NT5DC4: variants seen among roughly 807,000 people sequenced by gnomAD.
NT5DC4 encodes the protein 5'-nucleotidase domain-containing protein 4.
A neutral mutation model predicts 26.6 loss-of-function variants in NT5DC4; 44 were observed. The observed-to-expected ratio is 1.65, with a 90% CI of 1.30 to 2.13. The LOEUF is 2.13. Ranked by LOEUF, NT5DC4 falls within the 30% of genes most tolerant of loss-of-function variation. The probability of loss-of-function intolerance (pLI) is 0.00; values close to 1 mark genes in which losing one functional copy is unlikely to be tolerated. For synonymous variants in NT5DC4, 157 were observed against 86.7 expected, an observed-to-expected ratio of 1.81 and a Z score of -4.51; for missense variants, 399 against 228.1, an observed-to-expected ratio of 1.75 and a Z score of -4.83.
rs868836532 is a variant in NT5DC4 at position 112,729,679 on chromosome 2, C to T, written c.1319C>T (p.Ser440Phe). The stretch of plus-strand genomic sequence containing the variant: ...GAACAGGCCAATCTAGACCCTGCCT[C>T]CTGCCTCCTCTCCTGCAACCAGAGG... ...EQEQANLDPA[S>F]CLLSCNQRFI... Residue 440 changes from serine (S) to phenylalanine (F), a missense_variant, in exon 16 of 17, where the codon TCC (serine) becomes TTC (phenylalanine). By Grantham distance (155) the Ser-to-Phe change is radical. Transcript: ENST00000688554. 3.6e-5 allele frequency: 26 copies of T among 717,812 alleles called. No homozygotes were observed. Among genetic ancestry groups the T allele is most frequent in the Middle Eastern group, 4.5e-4 (2 of 4,398 alleles). The allele number at this position is 717,812 out of a possible 1,614,324, so 44.5% of individuals were successfully genotyped here. A position where few individuals can be genotyped will look rare whatever the true frequency, so the allele number is the denominator to read the frequency against.
At chr2:112,735,546 C>T (rs879330320) in intron 16 of NT5DC4, among the ~76,000 whole-genome samples, 5 of 152,042 alleles carry the variant, frequency 3.3e-5, no homozygotes, top group Non-Finnish European at 5.9e-5. Context: ...AAGCCATCCC[C>T]GAACAACATT....
intron 16 of NT5DC4, chr2:112,738,679 AG>A: frequency 1.6e-6 from 1 of 624,654 alleles, no homozygotes; most frequent in South Asian, 2.0e-5. Context: ...AAAATTTGAG[AG>A]TAAGCCCAGT....
At chr2:112,727,999 C>T (rs978626430) in intron 15 of NT5DC4, among the ~76,000 whole-genome samples, 2 of 152,260 alleles carry the variant, frequency 1.3e-5, no homozygotes, top group Non-Finnish European at 2.9e-5. Flanking sequence ...GGAATCTCCA[C>T]GGCTGTTTGT....
intron 16 of NT5DC4, among the ~76,000 whole-genome samples, chr2:112,732,130 C>G (rs913556398): frequency 6.6e-6 from 1 of 152,070 alleles, no homozygotes; most frequent in South Asian, 2.1e-4. Context: ...AGGCTGGTCT[C>G]AAATTCCTGA....
chr2:112,741,433 G>A (rs984423710), downstream of NT5DC4, among the ~76,000 whole-genome samples: 1 of 152,164 alleles, frequency 6.6e-6, no homozygotes, highest in Non-Finnish European at 1.5e-5. Flanking sequence ...TGACCACATG[G>A]TTACTGCCTT....
chr2:112,736,225 C>T (rs1309339240), intron 16 of NT5DC4, among the ~76,000 whole-genome samples: 11 of 152,148 alleles, frequency 7.2e-5, no homozygotes, highest in African/African-American at 2.7e-4. Context: ...TCACTTCAGA[C>T]TCTCTAAGCC....
In NT5DC4 at chr2:112,725,173, G is replaced by A. The variant is rs992327062; in HGVS notation, c.916-1G>A. The stretch of plus-strand genomic sequence containing the variant: ...TCCAGGGCACCCCTCTGCCCCTCCA[G>A]GACTCAGGAAAGCTCCACGTGGGCA... On this transcript the variant is annotated splice_acceptor_variant, in intron 11 of 16. Transcript: ENST00000688554. LOFTEE classifies it high-confidence loss of function. 4 of 715,696 alleles carry A rather than the reference G, an allele frequency of 5.6e-6. No individual in the cohort carries two copies. The highest frequency in any genetic ancestry group is 1.7e-5 in the African/African-American group (1 of 57,330). 44.3% of individuals were successfully genotyped at this position (715,696 alleles called of 1,614,324 possible).
Position 112,723,511 on chromosome 2 carries a change from G to A in NT5DC4, c.672+43G>A, listed in dbSNP as rs1376666932. The A allele has an allele frequency of 5.6e-6, 4 of 715,268 alleles. No individual in the cohort carries two copies. In the South Asian group the frequency reaches 5.9e-5, roughly 11 times the overall value. The allele number at this position is 715,268 out of a possible 1,614,324, so 44.3% of individuals were successfully genotyped here. A position where few individuals can be genotyped will look rare whatever the true frequency, so the allele number is the denominator to read the frequency against. On this transcript the variant is annotated intron_variant, in intron 8 of 16. Coordinates refer to ENST00000688554, the MANE Select transcript of NT5DC4 (RefSeq NM_001393655.1). ...CAGGGCCATGGCCATCACCCCCAAA[G>A]CAGCAGGGCTGCCCCCGCAACCCTT...
Position 112,723,675 on chromosome 2 carries a change from C to A in NT5DC4, c.673-44C>A, listed in dbSNP as rs754789357. 2.3e-5 allele frequency: 16 copies of A among 710,660 alleles called. 1 individual carries two copies. In the South Asian group the frequency reaches 2.3e-4, roughly 10 times the overall value. 44.0% of individuals were successfully genotyped at this position (710,660 alleles called of 1,614,324 possible). A position where few individuals can be genotyped will look rare whatever the true frequency, so the allele number is the denominator to read the frequency against. ...ACCTGAGGAGAGGATCCCAGGGCAG[C>A]TCTGGGAGTCCCACCCCTGCAAGTC... On this transcript the variant is annotated intron_variant, in intron 8 of 16. Transcript: ENST00000688554.
In NT5DC4 at chr2:112,722,705, TGC is replaced by T. The variant is rs775474846; in HGVS notation, c.470-8_470-7del. On this transcript the variant is annotated splice_polypyrimidine_tract_variant and splice_region_variant and intron_variant, in intron 5 of 16. Coordinates refer to ENST00000688554, the MANE Select transcript of NT5DC4 (RefSeq NM_001393655.1). ...TGGGCTGACAACTGACCATCCTGTC[TGC>T]CCCCAGAAACCTACCTCTATGCCTG... 4 of 717,686 alleles carry T rather than the reference TGC, an allele frequency of 5.6e-6. No homozygotes were observed. The highest frequency in any genetic ancestry group is 1.0e-5 in the Non-Finnish European group (4 of 385,116). The allele number at this position is 717,686 out of a possible 1,614,324, so 44.5% of individuals were successfully genotyped here.
At chr2:112,740,068 GT>G (rs1482490408), downstream of NT5DC4, among the ~76,000 whole-genome samples, 1 of 152,186 alleles carries the variant, frequency 6.6e-6, no homozygotes, top group Non-Finnish European at 1.5e-5. Context: ...GTAATTAGTG[GT>G]TTTGTGAATT....
intron 15 of NT5DC4, among the ~76,000 whole-genome samples, chr2:112,729,087 G>A (rs1033447855): frequency 6.6e-5 from 10 of 152,174 alleles, no homozygotes; most frequent in African/African-American, 2.2e-4. Context: ...GTGACAAGGC[G>A]AAACACTTAA....
intron 16 of NT5DC4, among the ~76,000 whole-genome samples, chr2:112,736,153 C>T (rs1341367867): frequency 6.6e-6 from 1 of 152,020 alleles, no homozygotes; most frequent in Non-Finnish European, 1.5e-5. Flanking sequence ...ATCATGAGAA[C>T]CTGGTCGACG....
downstream of NT5DC4, among the ~76,000 whole-genome samples, chr2:112,741,943 T>C (rs1680001322): frequency 1.5e-5 from 2 of 131,532 alleles, no homozygotes; most frequent in South Asian, 2.3e-4. Context: ...CTTTTCTGTT[T>C]TTTTTTTTTT....
At position 112,722,078 on chromosome 2, in the gene NT5DC4, A is replaced by T; in HGVS notation, c.241A>T (p.Thr81Ser). Residue 81 changes from threonine (T) to serine (S), a missense_variant, in exon 3 of 17, where the codon ACC becomes TCC. By Grantham distance (58) the Thr-to-Ser change is moderately conservative. Transcript: ENST00000688554. ...IGYPHEILRY[T>S]YDPTFPTRRL... ...GTACCCGCATGAGATCCTGCGCTAC[A>T]CCTACGACCCCACCTTCCCCACCAG... 2 of 717,014 alleles carry T rather than the reference A, an allele frequency of 2.8e-6. No individual in the cohort carries two copies. 44.4% of individuals were successfully genotyped at this position (717,014 alleles called of 1,614,324 possible).
intron 16 of NT5DC4, chr2:112,738,431 T>A (rs561144935): frequency 5.4e-6 from 1 of 184,350 alleles, no homozygotes; most frequent in Non-Finnish European, 1.1e-5. Flanking sequence ...AAAGTTCAGA[T>A]CTTCCACGAT....
chr2:112,722,897 A>G (rs1574234003), intron 6 of NT5DC4, 126 bp downstream of exon 6: 7 of 164,334 alleles, frequency 4.3e-5, no homozygotes, highest in Admixed American at 2.4e-4. Context: ...CTCAGTGGGA[A>G]GGCCTCTATT....
rs972540179 is a variant in NT5DC4 at position 112,726,506 on chromosome 2, T to C, written c.1206-172T>C. ...GACCTCTAGGCCCTTCCTCTGAACC[T>C]ATCCAGCACTCAGGGACCTGCCCTC... On this transcript the variant is annotated intron_variant, in intron 14 of 16. Transcript: ENST00000688554. Among the ~76,000 whole-genome samples the C allele has an allele frequency of 8.5e-5, 13 of 152,126 alleles. 1 individual carries two copies. In the South Asian group the frequency reaches 2.7e-3, roughly 32 times the overall value.
downstream of NT5DC4, chr2:112,742,459 G>A (rs888597828): frequency 1.4e-6 from 1 of 717,904 alleles, no homozygotes; most frequent in Non-Finnish European, 2.6e-6. Context: ...AGGATTCCAA[G>A]GAAGTGGGAC....
Sources: allele counts gnomAD v4.1 joint callset (sites outside exome capture counted in the v4.1 genomes callset), GRCh38; gene constraint gnomAD v4.1.1; transcripts MANE v1.5; gene names NCBI Gene and HGNC (gene_info 2026-07-23, HGNC 2026-07-21).